The following CCPG1 variants were observed in gnomAD, a reference collection of about 807,000 sequenced individuals.
The protein encoded by CCPG1 is cell cycle progression protein 1.
A neutral mutation model predicts 81.3 loss-of-function variants in CCPG1; 46 were observed. The observed-to-expected ratio is 0.57, with a 90% CI of 0.45 to 0.72. The LOEUF (loss-of-function observed/expected upper bound fraction) is 0.72, where lower values mean the gene tolerates loss of function less well. Ranked by LOEUF, CCPG1 falls within the 30% of genes least tolerant of loss-of-function variation. CCPG1 has a pLI of 0.00. For synonymous variants in CCPG1, 330 were observed against 305.2 expected (o/e 1.08, Z -0.85); for missense variants, 902 against 937.6 (o/e 0.96, Z 0.50).
chr15:55,403,095 A>G (rs1013958789), intron 1 of CCPG1, among the ~76,000 whole-genome samples: 2 of 152,198 alleles, frequency 1.3e-5, no homozygotes, highest in African/African-American at 4.8e-5. Context: ...CTTCAAACAT[A>G]TAAGTGCTTT....
rs8043415 is a variant in CCPG1, at chr15:55,355,294, C to T, written c.*926G>A. ...CATTTATTTGCTTCTAGGAAATAAG[C>T]GCTTTCCTAATTTCAAGCAATTATA... On this transcript the variant is annotated 3_prime_UTR_variant, in exon 9 of 9. Transcript: ENST00000442196. 124,278 of 1,601,842 alleles carry T rather than the reference C, an allele frequency of 0.078. 5,992 individuals carry two copies. Among genetic ancestry groups the T allele is most frequent in the African/African-American group, 0.21 (15,537 of 74,426 alleles).
chr15:55,368,144 G>C (rs564770866), intron 6 of CCPG1, among the ~76,000 whole-genome samples: 4 of 152,234 alleles, frequency 2.6e-5, no homozygotes, highest in Admixed American at 2.6e-4. Flanking sequence ...GCAGTCAAGG[G>C]ACTTTAGTAC....
intron 1 of CCPG1, among the ~76,000 whole-genome samples, chr15:55,403,027 C>T (rs1047233434): frequency 6.6e-5 from 10 of 152,230 alleles, no homozygotes; most frequent in African/African-American, 2.4e-4. Context: ...ACCCATTTGA[C>T]TTTTTTTCTT....
At chr15:55,369,091 A>G (rs2056392852) in intron 6 of CCPG1, among the ~76,000 whole-genome samples, 1 of 151,640 alleles carries the variant, frequency 6.6e-6, no homozygotes. Context: ...CAGCCTGGGG[A>G]ACAGAGCAAG....
At chr15:55,389,068 C>CAAAAAAAAAAAAAAAAAAAAAAAAAAA (rs373917631) in intron 2 of CCPG1, among the ~76,000 whole-genome samples, 2 of 56,266 alleles carry the variant, frequency 3.6e-5, no homozygotes, top group East Asian at 5.6e-4. Context: ...GACTCTGTCT[C>CAAAAAAAAAAAAAAAAAAAAAAAAAAA]AAAAAAAAAA....
intron 8 of CCPG1, chr15:55,358,730 G>GCTC (rs1782664499): frequency 1.0e-6 from 1 of 985,266 alleles, no homozygotes; most frequent in Non-Finnish European, 1.2e-6. Flanking sequence ...TAGCTTGTGA[G>GCTC]CTCCTTTGAA....
At chr15:55,393,176 AC>A (rs2056955367) in intron 1 of CCPG1, among the ~76,000 whole-genome samples, 1 of 152,130 alleles carries the variant, frequency 6.6e-6, no homozygotes, top group South Asian at 2.1e-4. Flanking sequence ...GGCGGCTTGC[AC>A]CTGTAACAGC....
At chr15:55,381,062 G>A (rs185523919) in intron 3 of CCPG1, among the ~76,000 whole-genome samples, 5,568 of 151,966 alleles carry the variant, frequency 0.037, 101 homozygotes, top group African/African-American at 0.049. Flanking sequence ...GCGTGAACCC[G>A]GGAGGCGGAG....
Position 55,360,320 on chromosome 15 carries a change from A to G in CCPG1, c.1453T>C (p.Phe485Leu), listed in dbSNP as rs1187484436. The change falls in exon 8 of 9, where the codon TTT becomes CTT. Residue 485 changes from phenylalanine (F) to leucine (L), a missense_variant. Physicochemically the swap from Phe to Leu is conservative, Grantham distance 22. Coordinates refer to ENST00000442196, the MANE Select transcript of CCPG1 (RefSeq NM_001204450.2). ...AATGTTTCCTTAACTGAACCCAAAA[A>G]TGTTTCCTTTGACTTATTTTTAGCC... ...HRAKNKSKET[F>L]LGSVKETFDA... is the part of the protein sequence containing the mutation. The G allele has an allele frequency of 6.2e-7, 1 of 1,613,488 alleles. No homozygotes were observed. The highest frequency in any genetic ancestry group is 8.5e-7 in the Non-Finnish European group (1 of 1,179,930).
Position 55,387,282 on chromosome 15 carries a change from T to C in CCPG1, c.61-1568A>G, listed in dbSNP as rs945282204. Among the ~76,000 whole-genome samples the C allele has an allele frequency of 1.1e-4, 16 of 152,332 alleles. 1 individual carries two copies. Among genetic ancestry groups the C allele is most frequent in the Admixed American group, 7.2e-4 (11 of 15,302 alleles). On this transcript the variant is annotated intron_variant, in intron 2 of 8. Transcript: ENST00000442196. ...TGCAGACTAACAGGTAAGACTCCCA[T>C]AGCTGCCTTGCTCCTATATTGTTAA...
intron 1 of CCPG1, among the ~76,000 whole-genome samples, chr15:55,393,830 C>G (rs1285355076): frequency 1.3e-5 from 2 of 152,166 alleles, no homozygotes; most frequent in East Asian, 1.9e-4. Context: ...TACTTCACCT[C>G]TCCATTCACA....
intron 8 of CCPG1, chr15:55,358,005 C>G (rs1294832971): frequency 1.3e-5 from 2 of 151,562 alleles, no homozygotes; most frequent in Non-Finnish European, 2.9e-5. Flanking sequence ...TAGTAGCAGT[C>G]TGTTAATCAG....
rs376938735 is a variant in CCPG1 at position 55,360,908 on chromosome 15, T to C, written c.865A>G (p.Thr289Ala). 1.1e-5 allele frequency: 18 copies of C among 1,586,744 alleles called. No homozygotes were observed. Among genetic ancestry groups the C allele is most frequent in the Non-Finnish European group, 1.5e-5 (18 of 1,171,024 alleles). The change falls in exon 8 of 9, where the codon ACT becomes GCT. Residue 289 changes from threonine to alanine, a missense_variant. Around this residue, in one of 3 missense-constraint regions of CCPG1, gnomAD observed 746 missense variants for 728.6 expected, o/e 1.02. Coordinates refer to ENST00000442196, the MANE Select transcript of CCPG1 (RefSeq NM_001204450.2). The part of the protein sequence containing the change: ...KENLARCWTL[T>A]EAEKMSFETQ... The stretch of plus-strand genomic sequence containing the variant: ...TCAAAGGACATCTTCTCTGCTTCAG[T>C]AAGTGTCCAACACCTTGCAAGATTT...
Position 55,360,685 on chromosome 15 carries a change from T to C in CCPG1, c.1088A>G (p.Gln363Arg). The stretch of plus-strand genomic sequence containing the variant: ...TTGACTAAGAAAGCTGTGTTTTTTC[T>C]GCTTTTCCTCTTCCAAATGCTGCTT... Reference protein sequence around the residue: ...KLKQHLEEEKQKKHSFLSQRE... With the variant: ...KLKQHLEEEKRKKHSFLSQRE... Residue 363 changes from glutamine (Q) to arginine (R), a missense_variant, in exon 8 of 9, where the codon CAG becomes CGG. Physicochemically the swap from Gln to Arg is conservative, Grantham distance 43. Around this residue, in one of 3 missense-constraint regions of CCPG1, gnomAD observed 746 missense variants for 728.6 expected, o/e 1.02. Coordinates refer to ENST00000442196, the MANE Select transcript of CCPG1 (RefSeq NM_001204450.2). 1 of 1,613,944 alleles carries C rather than the reference T, an allele frequency of 6.2e-7. No homozygotes were observed. The highest frequency in any genetic ancestry group is 8.5e-7 in the Non-Finnish European group (1 of 1,179,994).
chr15:55,376,321 C>G (rs529110013), intron 5 of CCPG1, among the ~76,000 whole-genome samples: 14 of 152,150 alleles, frequency 9.2e-5, no homozygotes, highest in African/African-American at 3.4e-4. Flanking sequence ...AGAAAGAAAT[C>G]AAGCAACTCA....
chr15:55,374,159 G>A, intron 5 of CCPG1: 2 of 1,288,618 alleles, frequency 1.6e-6, no homozygotes, highest in Non-Finnish European at 2.0e-6. Flanking sequence ...CACCACCTTG[G>A]AAAGCGAGTT....
rs2056054493 is a variant in CCPG1, at chr15:55,355,321, A to G, written c.*899T>C. The G allele has an allele frequency of 6.2e-7, 1 of 1,610,924 alleles. No individual in the cohort carries two copies. The highest frequency in any genetic ancestry group is 8.5e-7 in the Non-Finnish European group (1 of 1,177,692). ...CTTTCCTAATTTCAAGCAATTATAA[A>G]AGAACTGCTGTTTTCTTCCACACTC... On this transcript the variant is annotated 3_prime_UTR_variant, in exon 9 of 9. Transcript: ENST00000442196.
intron 1 of CCPG1, among the ~76,000 whole-genome samples, chr15:55,405,168 C>CTG (rs2057194357): frequency 6.6e-6 from 1 of 151,844 alleles, no homozygotes; most frequent in Non-Finnish European, 1.5e-5. Flanking sequence ...TGAGACCAGC[C>CTG]TGACCAACAT....
In CCPG1 at chr15:55,360,473, G is replaced by A. The variant is rs2056168497; in HGVS notation, c.1300C>T (p.Leu434=). ...TGTTCGAAGGTTAGCTTCCGTTCCAGCTCAGTGAGTCTTTCCCGTAAGATT... is the reference window on the plus strand; with the variant it reads ...TGTTCGAAGGTTAGCTTCCGTTCCAACTCAGTGAGTCTTTCCCGTAAGATT... ...IAILRERLTE[L]ERKLTFEQQR... The change falls in exon 8 of 9, where the codon CTG becomes TTG. Residue 434 remains leucine (L), a synonymous_variant. Coordinates refer to ENST00000442196, the MANE Select transcript of CCPG1 (RefSeq NM_001204450.2). 6.2e-7 allele frequency: 1 copy of A among 1,614,038 alleles called. No individual in the cohort carries two copies. The highest frequency in any genetic ancestry group is 2.2e-5 in the East Asian group (1 of 44,870).
Sources: gnomAD v4.1 joint callset for allele counts (sites outside exome capture counted in the v4.1 genomes callset) on GRCh38, gnomAD v4.1.1 for gene constraint, gnomAD v4.1.1 regional missense constraint, MANE v1.5 for transcripts, NCBI Gene and HGNC (gene_info 2026-07-23, HGNC 2026-07-21) for gene names.